The following ZBTB44 variants were observed in gnomAD, a reference collection of about 807,000 sequenced individuals.
The protein encoded by ZBTB44 is zinc finger and BTB domain containing 44.
In ZBTB44, 15 loss-of-function variants were observed where a neutral mutation model predicts 54.0. That is an observed-to-expected ratio of 0.28 (90% CI 0.19 to 0.43). The LOEUF (loss-of-function observed/expected upper bound fraction) is 0.43. ZBTB44 is among the 20% of genes least tolerant of loss of function. The probability of loss-of-function intolerance (pLI) is 1.00; values close to 1 mark genes in which losing one functional copy is unlikely to be tolerated. For synonymous variants in ZBTB44, 230 were observed against 250.1 expected (o/e 0.92, Z 0.76); for missense variants, 487 against 707.1 (o/e 0.69, Z 3.53).
intron 7 of ZBTB44, chr11:130,232,111 A>AATT (rs1172896204): frequency 6.6e-6 from 1 of 152,216 alleles, no homozygotes; most frequent in East Asian, 1.9e-4. Context: ...AGTTCTAAGG[A>AATT]ATTTAATTTA....
At chr11:130,249,833 G>C (rs678498) in intron 2 of ZBTB44, among the ~76,000 whole-genome samples, 86,326 of 152,088 alleles carry the variant, frequency 0.57, 27,821 homozygotes, top group South Asian at 0.7. Flanking sequence ...CTGGGCGGCT[G>C]TTTGGGCAGA....
At chr11:130,288,356 A>T (rs1219961650) in intron 1 of ZBTB44, among the ~76,000 whole-genome samples, 1 of 152,040 alleles carries the variant, frequency 6.6e-6, no homozygotes, top group Non-Finnish European at 1.5e-5. Flanking sequence ...CCTGGGTGAC[A>T]GAGCCAGACT....
At chr11:130,262,012 AC>A in intron 1 of ZBTB44, 83 bp from the exon 2 acceptor site, 1 of 1,039,382 alleles carries the variant, frequency 9.6e-7, no homozygotes, top group Non-Finnish European at 1.3e-6. Context: ...TGGCCACTGT[AC>A]TAAATTAAAA....
intron 2 of ZBTB44, 66 bp from the exon 3 acceptor site, chr11:130,239,962 A>C: frequency 8.7e-7 from 1 of 1,143,652 alleles, no homozygotes. Context: ...TGTAACTGAA[A>C]GCTATATTAT....
Position 130,261,926 on chromosome 11 carries a change from T to C in ZBTB44, c.-53A>G, listed in dbSNP as rs1938888698. 1.3e-6 allele frequency: 2 copies of C among 1,499,190 alleles called. No individual in the cohort carries two copies. The highest frequency in any genetic ancestry group is 1.4e-5 in the African/African-American group (1 of 71,738). The allele number at this position is 1,499,190 out of a possible 1,614,324, so 92.9% of individuals were successfully genotyped here. ...TTCAAGGATGCAAATAAATCAGAAATGTCCTAAAAAATACATAAAATAAAG... is the reference window on the plus strand; with the variant it reads ...TTCAAGGATGCAAATAAATCAGAAACGTCCTAAAAAATACATAAAATAAAG... On this transcript the variant is annotated 5_prime_UTR_variant, in exon 2 of 8. Coordinates refer to ENST00000357899, the MANE Select transcript of ZBTB44 (RefSeq NM_001301098.2). This position sits in a 1 kb window ranked among gnomAD's most constrained non-coding sequence, Gnocchi z 4.8.
At position 130,238,472 on chromosome 11, in the gene ZBTB44, G is replaced by A; in HGVS notation, c.1239C>T (p.Asn413=). ...TCGVRFTRIQ[N]LKQHMLIHSG... is the part of the protein sequence containing the mutation. Reference sequence around the variant, plus strand: ...AGTGGATGAGCATGTGCTGCTTTAGGTTCTGAATACGGGTGAATCGCACCC... The same window carrying A: ...AGTGGATGAGCATGTGCTGCTTTAGATTCTGAATACGGGTGAATCGCACCC... The change falls in exon 4 of 8, where the codon AAC becomes AAT. Residue 413 remains asparagine (N), a synonymous_variant. Transcript: ENST00000357899. 2 of 1,609,248 alleles carry A rather than the reference G, an allele frequency of 1.2e-6. No homozygotes were observed. Among genetic ancestry groups the A allele is most frequent in the South Asian group, 2.2e-5 (2 of 89,780 alleles).
chr11:130,261,592 T>TA lies in ZBTB44; in HGVS notation c.281dup (p.Ser95IlefsTer3). ...CAATAATATTTTCTGTGTTAATTGA[T>TA]AGAGTGGCTGTGTAAGCATATTCTA... is the stretch of plus-strand genomic sequence containing the variant. On this transcript the variant is annotated frameshift_variant, in exon 2 of 8. Coordinates refer to ENST00000357899, the MANE Select transcript of ZBTB44 (RefSeq NM_001301098.2). LOFTEE classifies it high-confidence loss of function. The surrounding 1 kb of genome is among the most constrained non-coding windows in gnomAD (Gnocchi z 4.8). 1.2e-6 allele frequency: 2 copies of TA among 1,614,042 alleles called. No individual in the cohort carries two copies. Among genetic ancestry groups the TA allele is most frequent in the Non-Finnish European group, 1.7e-6 (2 of 1,179,904 alleles).
intron 2 of ZBTB44, among the ~76,000 whole-genome samples, chr11:130,253,249 A>G (rs763139844): frequency 2.6e-5 from 4 of 152,194 alleles, no homozygotes; most frequent in Non-Finnish European, 5.9e-5. Context: ...AATAAAGGGT[A>G]TTCAATTACG....
At chr11:130,239,570 C>T in intron 3 of ZBTB44, 1 of 275,772 alleles carries the variant, frequency 3.6e-6, no homozygotes, top group Non-Finnish European at 7.0e-6. Context: ...TCATAGTTTG[C>T]CAACACTTGG....
chr11:130,284,015 C>T (rs931157988), intron 1 of ZBTB44, among the ~76,000 whole-genome samples: 7 of 131,870 alleles, frequency 5.3e-5, no homozygotes, highest in African/African-American at 1.5e-4. Context: ...CAGCTGGGCA[C>T]GGTGGCTCAT....
chr11:130,278,103 T>G (rs187045771), intron 1 of ZBTB44, among the ~76,000 whole-genome samples: 22 of 152,188 alleles, frequency 1.4e-4, no homozygotes, highest in African/African-American at 5.3e-4. Context: ...GAAAAAGATT[T>G]TCAGTAAAGA....
At chr11:130,269,198 T>A (rs57539464) in intron 1 of ZBTB44, among the ~76,000 whole-genome samples, 9,486 of 151,794 alleles carry the variant, frequency 0.062, 736 homozygotes, top group African/African-American at 0.18. Context: ...CTGAGGCAGG[T>A]GAATCACTTG....
At chr11:130,254,003 C>G (rs150743929) in intron 2 of ZBTB44, among the ~76,000 whole-genome samples, 6,221 of 152,252 alleles carry the variant, frequency 0.041, 314 homozygotes, top group African/African-American at 0.12. Flanking sequence ...GCTGGGAAAA[C>G]TGGCTAGCCA....
rs568673067 is a variant in ZBTB44 at position 130,307,240 on chromosome 11, C to T, written c.-57+7135G>A. 1.4e-3 allele frequency among the ~76,000 whole-genome samples: 210 copies of T among 151,936 alleles called. 1 individual carries two copies. Among genetic ancestry groups the T allele is most frequent in the African/African-American group, 4.9e-3 (202 of 41,460 alleles). ...GAGACCAAGACCATCCTGGCTAACA[C>T]GGTGAAACCCCGTCTCTACTAAAAA... On this transcript the variant is annotated intron_variant, in intron 1 of 7. Coordinates refer to ENST00000357899, the MANE Select transcript of ZBTB44 (RefSeq NM_001301098.2).
rs184833535 is a variant in ZBTB44, at chr11:130,304,106, T to C, written c.-57+10269A>G. ...AAAGGCACACATACAATCATTATTT[T>C]AAATCCTATGGCTTGGAATATTTCT... On this transcript the variant is annotated intron_variant, in intron 1 of 7. Coordinates refer to ENST00000357899, the MANE Select transcript of ZBTB44 (RefSeq NM_001301098.2). Among the ~76,000 whole-genome samples, 14 of 152,336 alleles carry C rather than the reference T, an allele frequency of 9.2e-5. No individual in the cohort carries two copies. The East Asian group carries it at 2.7e-3, about 29-fold the overall frequency.
At chr11:130,286,718 C>G (rs191246207) in intron 1 of ZBTB44, among the ~76,000 whole-genome samples, 1 of 152,204 alleles carries the variant, frequency 6.6e-6, no homozygotes, top group South Asian at 2.1e-4. Context: ...TGCCTGGAGA[C>G]AGCATGTCCA....
rs184184391 is a variant in ZBTB44 at position 130,295,540 on chromosome 11, G to A, written c.-57+18835C>T. 9.6e-5 allele frequency: 68 copies of A among 706,754 alleles called. No homozygotes were observed. In the African/African-American group the frequency reaches 1.1e-3, roughly 11 times the overall value. 43.8% of individuals were successfully genotyped at this position (706,754 alleles called of 1,614,324 possible). ...CAGATAATGATGAAGATGACAGTGA[G>A]GTGCCCAGCCTGCCCCTGGGACTCA... On this transcript the variant is annotated intron_variant, in intron 1 of 7. Coordinates refer to ENST00000357899, the MANE Select transcript of ZBTB44 (RefSeq NM_001301098.2).
At chr11:130,304,933 A>G (rs983984301) in intron 1 of ZBTB44, among the ~76,000 whole-genome samples, 2 of 152,234 alleles carry the variant, frequency 1.3e-5, no homozygotes, top group African/African-American at 4.8e-5. Context: ...TAATGTACAC[A>G]AATCAGTAGC....
intron 2 of ZBTB44, among the ~76,000 whole-genome samples, chr11:130,242,785 C>T (rs531963970): frequency 6.6e-6 from 1 of 152,102 alleles, no homozygotes; most frequent in East Asian, 1.9e-4. Flanking sequence ...TTTTACTATT[C>T]CTGTTTGGGA....
Sources: allele counts gnomAD v4.1 joint callset (sites outside exome capture counted in the v4.1 genomes callset), GRCh38; gene constraint gnomAD v4.1.1; non-coding constraint Gnocchi (gnomAD v3.1); transcripts MANE v1.5; gene names NCBI Gene and HGNC (gene_info 2026-07-23, HGNC 2026-07-21).